Variants in WWP2 observed in about 807,000 individuals in gnomAD.
WWP2 encodes the protein NEDD4-like E3 ubiquitin-protein ligase WWP2.
A neutral mutation model predicts 121.0 loss-of-function variants in WWP2; 57 were observed. The ratio of observed to expected loss-of-function variants is 0.47; its 90% CI spans 0.38 to 0.59. The LOEUF (loss-of-function observed/expected upper bound fraction) is 0.59. WWP2 is among the 20% of genes least tolerant of loss of function. The probability of loss-of-function intolerance (pLI) is 0.00; values close to 1 mark genes in which losing one functional copy is unlikely to be tolerated. For missense variants in WWP2, 962 were observed against 1,158.9 expected, an observed-to-expected ratio of 0.83 and a Z score of 2.47; for synonymous variants, 449 against 441.3, an observed-to-expected ratio of 1.02 and a Z score of -0.22.
intron 8 of WWP2, chr16:69,895,032 A>G (rs2058086845): frequency 2.0e-5 from 3 of 152,268 alleles, no homozygotes; most frequent in Admixed American, 1.3e-4. Context: ...TTAATTGAGG[A>G]GGGATGTTTT....
chr16:69,933,874 A>G (rs2058756604), intron 16 of WWP2, 96 bp from the exon 17 acceptor site: 4 of 1,432,250 alleles, frequency 2.8e-6, no homozygotes, highest in East Asian at 4.6e-5. Context: ...GTGTCCCCAT[A>G]CTAACCTGAG....
At position 69,917,854 on chromosome 16, in the gene WWP2, C is replaced by A. The variant is rs2058499172; in HGVS notation, c.1150C>A (p.Gln384Lys). 6.2e-7 allele frequency: 1 copy of A among 1,612,466 alleles called. No individual in the cohort carries two copies. The highest frequency in any genetic ancestry group is 8.5e-7 in the Non-Finnish European group (1 of 1,178,626). The change falls in exon 10 of 24, where the codon CAG becomes AAG. Residue 384 changes from glutamine (Q) to lysine (K), a missense_variant. Physicochemically the swap from Gln to Lys is moderately conservative, Grantham distance 53 (BLOSUM62 1). Transcript: ENST00000359154. ...GCGGAATCAGCTCCAGGGGGCCATG[C>A]AGCACTTCAGCCAAAGATTCCTCTA... ...SQRNQLQGAM[Q>K]HFSQRFLYQS...
chr16:69,786,979 T>C lies in WWP2; in HGVS notation c.-15-17T>C, dbSNP rs1475547382. 15 of 1,590,240 alleles carry C rather than the reference T, an allele frequency of 9.4e-6. No homozygotes were observed. The highest frequency in any genetic ancestry group is 1.1e-5 in the Non-Finnish European group (13 of 1,167,396). ...TATCAGATATTCTCTGAATTCTTTTTTCTGTTTGTCTTACAGCTTCACGGT... is the reference window on the plus strand; with the variant it reads ...TATCAGATATTCTCTGAATTCTTTTCTCTGTTTGTCTTACAGCTTCACGGT... On this transcript the variant is annotated splice_polypyrimidine_tract_variant and intron_variant, in intron 1 of 23. Transcript: ENST00000359154.
chr16:69,820,554 TAAA>T (rs34777921), intron 4 of WWP2, among the ~76,000 whole-genome samples: 2 of 116,680 alleles, frequency 1.7e-5, no homozygotes, highest in African/African-American at 5.5e-5. Flanking sequence ...CCCTGTCTCT[TAAA>T]AAAAAAAAAA....
intron 9 of WWP2, chr16:69,909,952 G>A (rs1259347906): frequency 6.4e-6 from 1 of 156,666 alleles, no homozygotes; most frequent in Admixed American, 6.5e-5. Context: ...TGTAAATAAG[G>A]TTTTATTGGA....
At chr16:69,912,994 ATTTTTTTTTTTTTTTTTTTTTTTT>A (rs1198509809) in intron 9 of WWP2, among the ~76,000 whole-genome samples, 5 of 3,936 alleles carry the variant, frequency 1.3e-3, no homozygotes, top group African/African-American at 5.8e-3. Flanking sequence ...ATATATATAT[ATTTTTTTTTTTTTTTTTTTTTTTT>A]TTTTTTTTTT....
intron 7 of WWP2, among the ~76,000 whole-genome samples, chr16:69,876,354 G>GTT (rs57953452): frequency 7.4e-6 from 1 of 134,760 alleles, no homozygotes; most frequent in Non-Finnish European, 1.6e-5. Context: ...GTTTTTTGGG[G>GTT]TTTTTTTTTT....
intron 4 of WWP2, among the ~76,000 whole-genome samples, chr16:69,809,984 G>A (rs2056356468): frequency 6.6e-6 from 1 of 152,334 alleles, no homozygotes; most frequent in East Asian, 1.9e-4. Context: ...GTCAAATCGT[G>A]CATACAGTTG....
At chr16:69,872,771 G>T (rs1216309924) in intron 7 of WWP2, among the ~76,000 whole-genome samples, 1 of 152,222 alleles carries the variant, frequency 6.6e-6, no homozygotes, top group African/African-American at 2.4e-5. Context: ...AGAGGAGACA[G>T]TGCCGTCCAC....
At chr16:69,794,218 A>C (rs942177190) in intron 2 of WWP2, among the ~76,000 whole-genome samples, 1 of 151,988 alleles carries the variant, frequency 6.6e-6, no homozygotes, top group African/African-American at 2.4e-5. Flanking sequence ...ATGCCCAGCT[A>C]TCCTTGCTTT....
intron 4 of WWP2, among the ~76,000 whole-genome samples, chr16:69,803,344 T>G (rs1404907402): frequency 6.6e-6 from 1 of 151,236 alleles, no homozygotes; most frequent in Non-Finnish European, 1.5e-5. Flanking sequence ...TTTCTATTTT[T>G]TTTTTACTTT....
At chr16:69,904,024 C>T (rs1035885370) in intron 8 of WWP2, among the ~76,000 whole-genome samples, 7 of 152,214 alleles carry the variant, frequency 4.6e-5, no homozygotes, top group African/African-American at 1.7e-4. Flanking sequence ...ACTTAAATTG[C>T]ATTAGGAGCA....
At position 69,801,953 on chromosome 16, in the gene WWP2, G is replaced by A. The variant is rs551754470; in HGVS notation, c.340+2658G>A. Among the ~76,000 whole-genome samples, 27 of 150,434 alleles carry A rather than the reference G, an allele frequency of 1.8e-4. No homozygotes were observed. In the East Asian group the frequency reaches 2.3e-3, roughly 13 times the overall value. On this transcript the variant is annotated intron_variant, in intron 4 of 23. Transcript: ENST00000359154. ...ATTTATTTATTTTTTTTTCTGAGACGGAGTCTTGCCCTGTTGCCCAGGCTG... is the reference window on the plus strand; with the variant it reads ...ATTTATTTATTTTTTTTTCTGAGACAGAGTCTTGCCCTGTTGCCCAGGCTG...
intron 1 of WWP2, among the ~76,000 whole-genome samples, chr16:69,784,486 G>T (rs2055740224): frequency 6.6e-6 from 1 of 152,172 alleles, no homozygotes; most frequent in African/African-American, 2.4e-5. Context: ...GGTGAGTAAA[G>T]CAGTTGGTGC....
intron 1 of WWP2, among the ~76,000 whole-genome samples, chr16:69,768,566 C>T (rs189857952): frequency 1.4e-4 from 21 of 152,248 alleles, no homozygotes; most frequent in African/African-American, 4.3e-4. Context: ...GCCGAGATTG[C>T]ATCACTGCCC....
At chr16:69,769,874 CTTTTTTTT>C (rs71151134) in intron 1 of WWP2, among the ~76,000 whole-genome samples, 1 of 102,236 alleles carries the variant, frequency 9.8e-6, no homozygotes, top group Non-Finnish European at 2.1e-5. Flanking sequence ...TGATCAGTGT[CTTTTTTTT>C]TTTTTTTTTT....
rs2058861829 is a variant in WWP2, at chr16:69,940,186, G to T, written c.*246G>T. On this transcript the variant is annotated 3_prime_UTR_variant, in exon 24 of 24. Transcript: ENST00000359154. ...TTGGCCCCACCTTTGCAAAGTTCCAGAGGGCTGACCCTCTCTGCAAAACTC... is the reference window on the plus strand; with the variant it reads ...TTGGCCCCACCTTTGCAAAGTTCCATAGGGCTGACCCTCTCTGCAAAACTC... 1 of 548,598 alleles carries T rather than the reference G, an allele frequency of 1.8e-6. No homozygotes were observed. The highest frequency in any genetic ancestry group is 3.3e-5 in the Admixed American group (1 of 30,404). 34.0% of individuals were successfully genotyped at this position (548,598 alleles called of 1,614,324 possible). A position where few individuals can be genotyped will look rare whatever the true frequency, so the allele number is the denominator to read the frequency against.
At chr16:69,798,435 GTGA>G (rs1372482797) in intron 2 of WWP2, among the ~76,000 whole-genome samples, 1 of 151,740 alleles carries the variant, frequency 6.6e-6, no homozygotes, top group African/African-American at 2.4e-5. Flanking sequence ...CGATAAATTG[GTGA>G]TGATGATCAC....
intron 7 of WWP2, among the ~76,000 whole-genome samples, chr16:69,882,725 G>A (rs1350132136): frequency 1.3e-5 from 2 of 152,242 alleles, no homozygotes; most frequent in Admixed American, 1.3e-4. Flanking sequence ...GAGAGTGGAA[G>A]TAGTGAAAAA....
Sources: allele counts gnomAD v4.1 joint callset (sites outside exome capture counted in the v4.1 genomes callset), GRCh38; gene constraint gnomAD v4.1.1; transcripts MANE v1.5; gene names NCBI Gene and HGNC (gene_info 2026-07-23, HGNC 2026-07-21).